AP1B1: variants seen among roughly 807,000 people sequenced by gnomAD.
AP1B1 encodes adaptor related protein complex 1 subunit beta 1, also known as AP-1 complex subunit beta-1.
Under a neutral mutation model 104.3 loss-of-function variants are expected in AP1B1, and 36 were observed. The ratio of observed to expected loss-of-function variants is 0.35; its 90% CI spans 0.26 to 0.46. The LOEUF is 0.46. Ranked by LOEUF, AP1B1 falls within the 20% of genes least tolerant of loss-of-function variation. AP1B1 has a pLI of 1.00. For synonymous variants in AP1B1, 504 were observed against 517.5 expected (o/e 0.97, Z 0.35); for missense variants, 901 against 1,247.9 (o/e 0.72, Z 4.19).
intron 11 of AP1B1, among the ~76,000 whole-genome samples, chr22:29,345,309 C>T (rs1372562764): frequency 2.7e-5 from 4 of 150,004 alleles, no homozygotes; most frequent in Non-Finnish European, 5.9e-5. Context: ...CCTCCTGCCT[C>T]GGCCTCCCAA....
intron 18 of AP1B1, 45 bp downstream of exon 18, chr22:29,331,742 G>A: frequency 6.2e-7 from 1 of 1,614,104 alleles, no homozygotes; most frequent in East Asian, 2.2e-5. Flanking sequence ...GGGCCCGGCT[G>A]GTAGGTGAGT....
chr22:29,346,410 G>A (rs2061793252), intron 11 of AP1B1, among the ~76,000 whole-genome samples: 1 of 152,172 alleles, frequency 6.6e-6, no homozygotes. Flanking sequence ...TGCGGGTTGG[G>A]GGATGGTTTC....
chr22:29,366,050 G>A (rs497618), intron 2 of AP1B1, among the ~76,000 whole-genome samples: 479 of 152,268 alleles, frequency 3.1e-3, no homozygotes, highest in Non-Finnish European at 4.8e-3. Flanking sequence ...AGCTGATCCA[G>A]CAACAGACTC....
intron 8 of AP1B1, 86 bp downstream of exon 8, chr22:29,351,619 T>C (rs1230196058): frequency 3.9e-6 from 6 of 1,540,642 alleles, no homozygotes; most frequent in Admixed American, 1.9e-5. Flanking sequence ...ATGGTGAGAC[T>C]GGTCACCTGG....
chr22:29,386,951 G>A (rs1202193625), intron 1 of AP1B1, among the ~76,000 whole-genome samples: 2 of 152,216 alleles, frequency 1.3e-5, no homozygotes, highest in African/African-American at 4.8e-5. Context: ...TTCTCAGAAA[G>A]GCAAAGATTC....
chr22:29,328,852 T>A lies in AP1B1; in HGVS notation c.2819A>T (p.Tyr940Phe). The A allele has an allele frequency of 6.2e-7, 1 of 1,609,418 alleles. No homozygotes were observed. Among genetic ancestry groups the A allele is most frequent in the African/African-American group, 1.3e-5 (1 of 74,934 alleles). The change falls in exon 23 of 23, where the codon TAC becomes TTC. Residue 940 changes from tyrosine to phenylalanine, a missense_variant. By Grantham distance (22) the Tyr-to-Phe change is conservative (BLOSUM62 3). Transcript: ENST00000357586. This position sits in a 1 kb window ranked among gnomAD's most constrained non-coding sequence, Gnocchi z 4.1. ...CTTGAGGATGGTCTCGTAGGCCTGG[T>A]ACACGTGCTGGGACACCTCTGGTGC... Reference protein sequence around the residue: ...CRAPEVSQHVYQAYETILKN With the variant: ...CRAPEVSQHVFQAYETILKN
intron 2 of AP1B1, among the ~76,000 whole-genome samples, chr22:29,366,149 T>C (rs2148018821): frequency 6.6e-6 from 1 of 152,206 alleles, no homozygotes; most frequent in African/African-American, 2.4e-5. Flanking sequence ...CTTACAGGGT[T>C]AAAGCACATT....
At chr22:29,380,047 G>A (rs150907846) in intron 1 of AP1B1, among the ~76,000 whole-genome samples, 1 of 152,306 alleles carries the variant, frequency 6.6e-6, no homozygotes, top group East Asian at 1.9e-4. Context: ...GGAAGAATGA[G>A]ATTCAGAAAT....
In AP1B1 at chr22:29,327,710, T is replaced by G. The variant is rs1325942008; in HGVS notation, c.*1111A>C. Reference sequence around the variant, plus strand: ...GTCATCATTTTTATTCATTTTCTCTTTCTGAAAATAAGAGTAAACATACAA... The same window carrying G: ...GTCATCATTTTTATTCATTTTCTCTGTCTGAAAATAAGAGTAAACATACAA... On this transcript the variant is annotated 3_prime_UTR_variant, in exon 23 of 23. Coordinates refer to ENST00000357586, the MANE Select transcript of AP1B1 (RefSeq NM_001127.4). 2 of 152,182 alleles carry G rather than the reference T, an allele frequency of 1.3e-5. No homozygotes were observed. Among genetic ancestry groups the G allele is most frequent in the African/African-American group, 4.8e-5 (2 of 41,434 alleles). The allele number at this position is 152,182 out of a possible 1,614,324, so 9.4% of individuals were successfully genotyped here.
Position 29,328,892 on chromosome 22 carries a change from A to T in AP1B1, c.2779T>A (p.Ser927Thr), listed in dbSNP as rs758116414. 8 of 1,607,962 alleles carry T rather than the reference A, an allele frequency of 5.0e-6. No individual in the cohort carries two copies. The highest frequency in any genetic ancestry group is 6.8e-6 in the Non-Finnish European group (8 of 1,178,484). ...GNPSCTDLEL[S>T]LKCRAPEVSQ... Reference sequence around the variant, plus strand: ...ACCTCTGGTGCTCGACACTTCAGGGACAGCTGCAGGGGAGAGAGGGGTCGG... The same window carrying T: ...ACCTCTGGTGCTCGACACTTCAGGGTCAGCTGCAGGGGAGAGAGGGGTCGG... The change falls in exon 23 of 23, where the codon TCC becomes ACC. Residue 927 changes from serine to threonine, a missense_variant. Coordinates refer to ENST00000357586, the MANE Select transcript of AP1B1 (RefSeq NM_001127.4). The surrounding 1 kb of genome is among the most constrained non-coding windows in gnomAD (Gnocchi z 4.1).
intron 4 of AP1B1, among the ~76,000 whole-genome samples, 167 bp from the exon 5 acceptor site, chr22:29,359,138 A>G (rs1470826285): frequency 1.3e-5 from 2 of 152,168 alleles, no homozygotes; most frequent in Admixed American, 6.5e-5. Context: ...ATGCTATATA[A>G]CCAGCACCCA....
chr22:29,346,802 G>A (rs1225339106), intron 11 of AP1B1, among the ~76,000 whole-genome samples: 1 of 152,084 alleles, frequency 6.6e-6, no homozygotes, highest in East Asian at 1.9e-4. Context: ...AGTGGGGGGG[G>A]GTGACGGTGG....
chr22:29,371,982 C>T (rs186913248), intron 1 of AP1B1, among the ~76,000 whole-genome samples: 1 of 152,286 alleles, frequency 6.6e-6, no homozygotes, highest in East Asian at 1.9e-4. Context: ...GAGGGGCATA[C>T]CTGGAACAAC....
chr22:29,329,755 C>T (rs2061529068), intron 21 of AP1B1, 35 bp from the exon 22 acceptor site: 1 of 1,613,168 alleles, frequency 6.2e-7, no homozygotes, highest in Non-Finnish European at 8.5e-7. Flanking sequence ...AGGTGACATG[C>T]AGCAACCAAA....
chr22:29,365,182 C>G (rs1273108622), intron 2 of AP1B1, among the ~76,000 whole-genome samples: 2 of 152,208 alleles, frequency 1.3e-5, no homozygotes, highest in Non-Finnish European at 1.5e-5. Flanking sequence ...ACCAGGTCTG[C>G]TAGCTCCAAA....
intron 3 of AP1B1, among the ~76,000 whole-genome samples, chr22:29,361,041 C>T (rs946219512): frequency 3.3e-5 from 5 of 152,186 alleles, no homozygotes; most frequent in African/African-American, 1.2e-4. Flanking sequence ...CCGACTCGCT[C>T]TTTGGGGCTT....
intron 1 of AP1B1, among the ~76,000 whole-genome samples, chr22:29,377,921 G>A (rs2062372373): frequency 6.6e-6 from 1 of 152,082 alleles, no homozygotes; most frequent in South Asian, 2.1e-4. Flanking sequence ...GCATTTGTTT[G>A]GAGTTACACA....
chr22:29,356,287 T>C, intron 6 of AP1B1, 139 bp downstream of exon 6: 1 of 894,694 alleles, frequency 1.1e-6, no homozygotes, highest in Non-Finnish European at 1.6e-6. Flanking sequence ...CAGGCCTCCC[T>C]TTAGGTGTGT....
chr22:29,329,863 C>T, intron 21 of AP1B1, 143 bp from the exon 22 acceptor site: 1 of 1,492,780 alleles, frequency 6.7e-7, no homozygotes, highest in African/African-American at 1.4e-5. Flanking sequence ...TCTGGAGGGC[C>T]ATGCCTGCCA....
Sources: allele counts gnomAD v4.1 joint callset (sites outside exome capture counted in the v4.1 genomes callset), GRCh38; gene constraint gnomAD v4.1.1; non-coding constraint Gnocchi (gnomAD v3.1); transcripts MANE v1.5; gene names NCBI Gene and HGNC (gene_info 2026-07-23, HGNC 2026-07-21).